ADAMTSL1: variants seen among roughly 807,000 people sequenced by gnomAD.
ADAMTSL1 encodes ADAMTS-like protein 1.
Under a neutral mutation model 201.8 loss-of-function variants are expected in ADAMTSL1, and 126 were observed. The observed-to-expected ratio is 0.62, with a 90% CI of 0.54 to 0.72. The LOEUF is 0.72. Ranked by LOEUF, ADAMTSL1 falls within the 30% of genes least tolerant of loss-of-function variation. The pLI is 0.00. For missense variants in ADAMTSL1, 2,679 were observed against 2,277.8 expected (o/e 1.18, Z -3.59); for synonymous variants, 1,121 against 903.4 (o/e 1.24, Z -4.32).
At chr9:18,721,816 T>C (rs1833402290) in intron 15 of ADAMTSL1, among the ~76,000 whole-genome samples, 151 bp downstream of exon 15, 1 of 152,232 alleles carries the variant, frequency 6.6e-6, no homozygotes, top group Admixed American at 6.5e-5. Context: ...CCACTTAAGT[T>C]TAATTGAAAC....
chr9:18,232,882 T>C (rs1340497410), intron 2 of ADAMTSL1, among the ~76,000 whole-genome samples: 4 of 152,230 alleles, frequency 2.6e-5, no homozygotes, highest in Non-Finnish European at 5.9e-5. Context: ...CATATTAATA[T>C]ATTTTATAAA....
chr9:18,419,975 G>A (rs1818868082), intron 2 of ADAMTSL1, among the ~76,000 whole-genome samples: 1 of 151,996 alleles, frequency 6.6e-6, no homozygotes, highest in Non-Finnish European at 1.5e-5. Flanking sequence ...TGATCCACCC[G>A]CCTCGGCCTT....
intron 23 of ADAMTSL1, among the ~76,000 whole-genome samples, chr9:18,875,523 AG>A (rs1828094246): frequency 6.6e-6 from 1 of 152,164 alleles, no homozygotes; most frequent in South Asian, 2.1e-4. Context: ...ACAGTCATTC[AG>A]GAGCAGGTTA....
intron 1 of ADAMTSL1, among the ~76,000 whole-genome samples, chr9:18,129,134 A>G (rs892661447): frequency 6.6e-6 from 1 of 152,192 alleles, no homozygotes; most frequent in Admixed American, 6.5e-5. Context: ...TGGTCAGCCT[A>G]GCATAATATT....
exon 1 of ADAMTSL1, chr9:17,906,670 C>G (rs925389348): frequency 2.0e-5 from 3 of 152,502 alleles, no homozygotes; most frequent in African/African-American, 4.8e-5. Context: ...CACTGAAGCT[C>G]CAAAGCCGCG....
chr9:18,626,881 TCCTTCCTTC>T (rs1826411728), intron 5 of ADAMTSL1, among the ~76,000 whole-genome samples: 1 of 142,712 alleles, frequency 7.0e-6, no homozygotes, highest in Non-Finnish European at 1.6e-5. Flanking sequence ...CTTTCTTCCT[TCCTTCCTTC>T]CTTCCTTCCT....
At chr9:18,288,475 A>G (rs1833112914) in intron 2 of ADAMTSL1, among the ~76,000 whole-genome samples, 1 of 152,150 alleles carries the variant, frequency 6.6e-6, no homozygotes, top group African/African-American at 2.4e-5. Context: ...TTTAAAACTG[A>G]GTTAGGTTTC....
At chr9:18,588,917 A>ATT (rs59155512) in intron 4 of ADAMTSL1, among the ~76,000 whole-genome samples, 2,267 of 142,354 alleles carry the variant, frequency 0.016, 35 homozygotes, top group African/African-American at 0.038. Flanking sequence ...ATATATACAC[A>ATT]TTTTTTTTTT....
Position 18,622,276 on chromosome 9 carries a change from G to A in ADAMTSL1, c.508G>A (p.Val170Ile), listed in dbSNP as rs146511703. Residue 170 changes from valine to isoleucine, a missense_variant, in exon 5 of 29, where the codon GTC becomes ATC. Val to Ile is a conservative substitution (Grantham distance 29). Transcript: ENST00000380548. ...CTGCGATCACCAGCTGGGAAGCACC[G>A]TCAAGGAAGATAACTGTGGGGTCTG... ...VGCDHQLGST[V>I]KEDNCGVCNG... is the part of the protein sequence containing the mutation. The A allele has an allele frequency of 2.4e-3, 3,886 of 1,613,976 alleles. 10 individuals carry two copies. Among genetic ancestry groups the A allele is most frequent in the Middle Eastern group, 0.012 (75 of 6,056 alleles).
At chr9:18,826,966 C>G (rs1252687371) in intron 22 of ADAMTSL1, among the ~76,000 whole-genome samples, 1 of 151,896 alleles carries the variant, frequency 6.6e-6, no homozygotes, top group Non-Finnish European at 1.5e-5. Context: ...ACATAAGAAC[C>G]CCTGATTAAA....
intron 1 of ADAMTSL1, among the ~76,000 whole-genome samples, chr9:18,132,986 A>T (rs527307956): frequency 1.6e-4 from 24 of 152,258 alleles, no homozygotes; most frequent in South Asian, 8.3e-4. Context: ...CTTTCACAGT[A>T]CTAAGGAGCT....
chr9:18,273,603 T>G (rs923063862), intron 2 of ADAMTSL1, among the ~76,000 whole-genome samples: 1 of 152,214 alleles, frequency 6.6e-6, no homozygotes, highest in Non-Finnish European at 1.5e-5. Flanking sequence ...TCTCAACAAA[T>G]TTAGTCCTCG....
In ADAMTSL1 at chr9:18,133,850, T is replaced by A. The variant is rs1826049241; in HGVS notation, c.88-30012T>A. ...AAAAAAACTATTTGGTTAACTCTAA[T>A]GGGCAACTAGAATTGAAAACACAGC... On this transcript the variant is annotated intron_variant, in intron 1 of 29. Coordinates refer to the ADAMTSL1 transcript ENST00000680146. Among the ~76,000 whole-genome samples the A allele has an allele frequency of 2.6e-5, 4 of 150,972 alleles. No homozygotes were observed. In the South Asian group the frequency reaches 8.3e-4, roughly 31 times the overall value.
At chr9:18,890,175 C>A (rs1156338196) in intron 25 of ADAMTSL1, among the ~76,000 whole-genome samples, 1 of 152,202 alleles carries the variant, frequency 6.6e-6, no homozygotes, top group East Asian at 1.9e-4. Context: ...ACCTTAAATA[C>A]CCATGCTAAT....
chr9:18,227,855 A>G (rs975913449), intron 2 of ADAMTSL1, among the ~76,000 whole-genome samples: 2 of 152,180 alleles, frequency 1.3e-5, no homozygotes, highest in African/African-American at 4.8e-5. Context: ...CCCCTTAAGG[A>G]TACTGTGTCT....
At chr9:18,469,817 G>C (rs553886961), upstream of ADAMTSL1, among the ~76,000 whole-genome samples, 2 of 152,216 alleles carry the variant, frequency 1.3e-5, no homozygotes, top group Non-Finnish European at 2.9e-5. Context: ...CCGAATTTTT[G>C]TAGTACTTCA....
At chr9:18,586,180 C>G (rs1014160336) in intron 4 of ADAMTSL1, among the ~76,000 whole-genome samples, 2 of 152,138 alleles carry the variant, frequency 1.3e-5, no homozygotes, top group Non-Finnish European at 2.9e-5. Context: ...GATTCTCTGT[C>G]TAGAAAACCA....
rs886357595 is a variant in ADAMTSL1, at chr9:18,356,493, A to G, written c.208-148336A>G. On this transcript the variant is annotated intron_variant, in intron 2 of 29. Coordinates refer to the ADAMTSL1 transcript ENST00000680146. ...CAGTGAGCTATGATTGTGCTAGTGTATCCAGCTTGGGGGACACAGTGAGAC... is the reference window on the plus strand; with the variant it reads ...CAGTGAGCTATGATTGTGCTAGTGTGTCCAGCTTGGGGGACACAGTGAGAC... Among the ~76,000 whole-genome samples, 9 of 140,912 alleles carry G rather than the reference A, an allele frequency of 6.4e-5. No homozygotes were observed. In the South Asian group the frequency reaches 7.5e-4, roughly 12 times the overall value. 92.4% of individuals were successfully genotyped at this position (140,912 alleles called of 152,430 possible).
intron 2 of ADAMTSL1, among the ~76,000 whole-genome samples, chr9:18,229,476 G>T (rs1394001975): frequency 2.0e-5 from 3 of 150,170 alleles, no homozygotes; most frequent in African/African-American, 7.4e-5. Flanking sequence ...CAGATTTTAG[G>T]TTAACGTAAG....
Sources: allele counts gnomAD v4.1 joint callset (sites outside exome capture counted in the v4.1 genomes callset), GRCh38; gene constraint gnomAD v4.1.1; transcripts MANE v1.5; gene names NCBI Gene and HGNC (gene_info 2026-07-23, HGNC 2026-07-21).